Variants in KIFBP observed in about 807,000 individuals in gnomAD.
KIFBP encodes kinesin family binding protein, also known as KIF-binding protein.
KIFBP carries 46 observed loss-of-function variants against 58.9 expected under a neutral mutation model. The ratio of observed to expected loss-of-function variants is 0.78; its 90% CI spans 0.62 to 1.00. KIFBP has a LOEUF of 1.00. Among genes scored for constraint, KIFBP ranks in the 50% least tolerant of loss-of-function variants. The pLI is 0.00. For missense variants in KIFBP, 651 were observed against 752.9 expected, an observed-to-expected ratio of 0.86 and a Z score of 1.58; for synonymous variants, 241 against 283.4, an observed-to-expected ratio of 0.85 and a Z score of 1.50.
At chr10:68,992,292 C>G (rs1843358488) in intron 1 of KIFBP, among the ~76,000 whole-genome samples, 1 of 152,092 alleles carries the variant, frequency 6.6e-6, no homozygotes, top group Non-Finnish European at 1.5e-5. Context: ...CTGTGTCTGG[C>G]CTTTTAAAAA....
intron 3 of KIFBP, among the ~76,000 whole-genome samples, chr10:69,005,446 G>C (rs1843522571): frequency 6.6e-6 from 1 of 152,152 alleles, no homozygotes; most frequent in African/African-American, 2.4e-5. Flanking sequence ...GGGAGGCTGA[G>C]GCGGGTGGAT....
intron 1 of KIFBP, among the ~76,000 whole-genome samples, chr10:68,993,401 C>T (rs1843371588): frequency 6.6e-6 from 1 of 152,122 alleles, no homozygotes; most frequent in Non-Finnish European, 1.5e-5. Flanking sequence ...TTCTGTCTGT[C>T]TCTTTGCCCC....
intron 6 of KIFBP, among the ~76,000 whole-genome samples, chr10:69,013,564 G>A (rs1843614906): frequency 6.6e-6 from 1 of 152,072 alleles, no homozygotes. Context: ...GCCCAAGAAG[G>A]AAGGAAGTAT....
In KIFBP at chr10:68,989,224, C is replaced by T; in HGVS notation, c.392C>T (p.Ser131Leu). 1 of 1,613,590 alleles carries T rather than the reference C, an allele frequency of 6.2e-7. No homozygotes were observed. Residue 131 changes from serine to leucine, a missense_variant, in exon 1 of 7, where the codon TCG (serine) becomes TTG (leucine). Coordinates refer to ENST00000361983, the MANE Select transcript of KIFBP (RefSeq NM_015634.4). ...CLRLLRRYRLSHDCISLCIQA... is the reference protein window; with the variant it reads ...CLRLLRRYRLLHDCISLCIQA... ...CGGCTGCTGCGCAGGTACCGGCTCT[C>T]GCACGACTGCATCTCTCTCTGCATC...
At position 69,002,638 on chromosome 10, in the gene KIFBP, C is replaced by T. The variant is rs369152435; in HGVS notation, c.525+2116C>T. Reference sequence around the variant, plus strand: ...CAGTGGCTCACGCCTTTAATCCCAGCACTTTGGGAGGCTGAGGTGGGTGGA... The same window carrying T: ...CAGTGGCTCACGCCTTTAATCCCAGTACTTTGGGAGGCTGAGGTGGGTGGA... On this transcript the variant is annotated intron_variant, in intron 2 of 6. Transcript: ENST00000361983. 2.7e-3 allele frequency among the ~76,000 whole-genome samples: 407 copies of T among 152,170 alleles called. 2 individuals carry two copies. Among genetic ancestry groups the T allele is most frequent in the Middle Eastern group, 0.02 (6 of 294 alleles).
intron 2 of KIFBP, among the ~76,000 whole-genome samples, chr10:69,002,269 C>T (rs2132111657): frequency 6.6e-6 from 1 of 151,850 alleles, no homozygotes; most frequent in South Asian, 2.1e-4. Flanking sequence ...AAGTAATTCT[C>T]CTGCCTCAGC....
At chr10:68,996,317 T>A (rs1023560617) in intron 1 of KIFBP, among the ~76,000 whole-genome samples, 2 of 152,084 alleles carry the variant, frequency 1.3e-5, no homozygotes, top group Non-Finnish European at 2.9e-5. Context: ...TCCCAGCATT[T>A]TGGGAGGCTG....
At chr10:68,993,023 G>A (rs1205068328) in intron 1 of KIFBP, among the ~76,000 whole-genome samples, 2 of 151,950 alleles carry the variant, frequency 1.3e-5, no homozygotes, top group East Asian at 1.9e-4. Context: ...AGTTTTGCAG[G>A]CCACCTCAGA....
chr10:69,010,121 T>A (rs980107226), intron 5 of KIFBP, among the ~76,000 whole-genome samples: 2 of 152,224 alleles, frequency 1.3e-5, no homozygotes, highest in African/African-American at 4.8e-5. Flanking sequence ...TGAGATATTA[T>A]TTTGTTTTTA....
Position 68,990,158 on chromosome 10 carries a change from G to T in KIFBP, c.426+900G>T, listed in dbSNP as rs930563460. On this transcript the variant is annotated intron_variant, in intron 1 of 6. Transcript: ENST00000361983. ...TAATAACTTTCTTGGGACCATTTTG[G>T]GCCAAACTGATCTCTCCCTCCTACC... Among the ~76,000 whole-genome samples, 2 of 151,910 alleles carry T rather than the reference G, an allele frequency of 1.3e-5. 1 individual carries two copies. Among genetic ancestry groups the T allele is most frequent in the Admixed American group, 1.3e-4 (2 of 15,254 alleles).
chr10:69,011,762 G>A (rs1294127287), intron 6 of KIFBP, among the ~76,000 whole-genome samples: 7 of 134,064 alleles, frequency 5.2e-5, no homozygotes, highest in African/African-American at 1.1e-4. Context: ...TGGTGTGATC[G>A]CAGCTGCAAC....
At chr10:69,003,188 A>T (rs1337925066) in intron 2 of KIFBP, among the ~76,000 whole-genome samples, 1 of 152,152 alleles carries the variant, frequency 6.6e-6, no homozygotes, top group Non-Finnish European at 1.5e-5. Context: ...GACTGTATTA[A>T]TATTACGTAT....
intron 2 of KIFBP, among the ~76,000 whole-genome samples, chr10:69,000,995 C>T (rs1052573758): frequency 1.3e-5 from 2 of 152,126 alleles, no homozygotes; most frequent in African/African-American, 4.8e-5. Context: ...TTTAGTAGTT[C>T]TGGGGTGGGG....
At position 69,016,269 on chromosome 10, in the gene KIFBP, G is replaced by C. The variant is rs1839004878; in HGVS notation, c.1719G>C (p.Leu573Phe). 8 of 1,601,318 alleles carry C rather than the reference G, an allele frequency of 5.0e-6. No homozygotes were observed. The highest frequency in any genetic ancestry group is 5.1e-6 in the Non-Finnish European group (6 of 1,174,700). The change falls in exon 7 of 7, where the codon TTG becomes TTC. Residue 573 changes from leucine to phenylalanine, a missense_variant. By Grantham distance (22) the Leu-to-Phe change is conservative. Coordinates refer to ENST00000361983, the MANE Select transcript of KIFBP (RefSeq NM_015634.4). Reference sequence around the variant, plus strand: ...AGCTGGAAAATTTGGCAACATCATTGGAACATTACAAATTTATTGTTGATT... The same window carrying C: ...AGCTGGAAAATTTGGCAACATCATTCGAACATTACAAATTTATTGTTGATT... ...KKELENLATS[L>F]EHYKFIVDYC...
Position 69,016,398 on chromosome 10 carries a change from C to A in KIFBP, c.1848C>A (p.Thr616=), listed in dbSNP as rs371537907. Residue 616 remains threonine, a synonymous_variant, in exon 7 of 7, where the codon ACC becomes ACA. Coordinates refer to ENST00000361983, the MANE Select transcript of KIFBP (RefSeq NM_015634.4). ...LLPTKMERFR[T]KMALT is the part of the protein sequence containing the mutation. ...CAACAAAAATGGAGAGATTCAGAAC[C>A]AAGATGGCCCTGACTTAATCCTTGT... is the stretch of plus-strand genomic sequence containing the variant. 5.6e-5 allele frequency: 90 copies of A among 1,613,882 alleles called. No individual in the cohort carries two copies. The highest frequency in any genetic ancestry group is 7.2e-5 in the Non-Finnish European group (85 of 1,179,956).
rs1379196173 is a variant in KIFBP at position 69,015,785 on chromosome 10, T to C, written c.1235T>C (p.Ile412Thr). ...TTTGAGGCAAAAGAGTTCTTTCAGA[T>C]TGATGGTTATGTCACTGACCATATT... ...YVFEAKEFFQIDGYVTDHIEV... is the reference protein window; with the variant it reads ...YVFEAKEFFQTDGYVTDHIEV... Residue 412 changes from isoleucine to threonine, a missense_variant, in exon 7 of 7, where the codon ATT becomes ACT. Physicochemically the swap from Ile to Thr is moderately conservative, Grantham distance 89 (BLOSUM62 -1). Coordinates refer to ENST00000361983, the MANE Select transcript of KIFBP (RefSeq NM_015634.4). The C allele has an allele frequency of 4.3e-6, 7 of 1,614,072 alleles. No individual in the cohort carries two copies. Among genetic ancestry groups the C allele is most frequent in the South Asian group, 2.2e-5 (2 of 91,090 alleles).
intron 6 of KIFBP, among the ~76,000 whole-genome samples, chr10:69,014,377 C>G (rs932160325): frequency 3.3e-5 from 5 of 152,146 alleles, no homozygotes; most frequent in Non-Finnish European, 7.3e-5. Flanking sequence ...CACACCATGT[C>G]AAGGAGCTGA....
In KIFBP at chr10:68,989,211, A is replaced by C. The variant is rs751092379; in HGVS notation, c.379A>C (p.Arg127=). 6.2e-7 allele frequency: 1 copy of C among 1,613,590 alleles called. No individual in the cohort carries two copies. The highest frequency in any genetic ancestry group is 8.5e-7 in the Non-Finnish European group (1 of 1,179,954). Residue 127 remains arginine, a synonymous_variant, in exon 1 of 7, where the codon AGG becomes CGG. Coordinates refer to ENST00000361983, the MANE Select transcript of KIFBP (RefSeq NM_015634.4). ...GGTGAAATGCCTGCGGCTGCTGCGCAGGTACCGGCTCTCGCACGACTGCAT... is the reference window on the plus strand; with the variant it reads ...GGTGAAATGCCTGCGGCTGCTGCGCCGGTACCGGCTCTCGCACGACTGCAT... ...HLVKCLRLLR[R]YRLSHDCISL... is the part of the protein sequence containing the mutation.
In KIFBP at chr10:69,015,545, A is replaced by G. The variant is rs771905210; in HGVS notation, c.995A>G (p.Asn332Ser). 4.3e-6 allele frequency: 7 copies of G among 1,613,694 alleles called. No homozygotes were observed. Among genetic ancestry groups the G allele is most frequent in the East Asian group, 4.5e-5 (2 of 44,872 alleles). Residue 332 changes from asparagine (N) to serine (S), a missense_variant, in exon 7 of 7, where the codon AAC becomes AGC. By Grantham distance (46) the Asn-to-Ser change is conservative. Coordinates refer to ENST00000361983, the MANE Select transcript of KIFBP (RefSeq NM_015634.4). ...ATTTATTTTTTTTTCCTTCAGGACA[A>G]CATAGGAGAGCTTGATCTTGATAAA... is the stretch of plus-strand genomic sequence containing the variant. ...MQNAQLSMQD[N>S]IGELDLDKQS...
Sources: allele counts gnomAD v4.1 joint callset (sites outside exome capture counted in the v4.1 genomes callset), GRCh38; gene constraint gnomAD v4.1.1; transcripts MANE v1.5; gene names NCBI Gene and HGNC (gene_info 2026-07-23, HGNC 2026-07-21).